Variants in RGS22 observed in about 807,000 individuals in gnomAD.
RGS22 encodes the protein regulator of G protein signaling 22.
RGS22 carries 148 observed loss-of-function variants against 172.9 expected under a neutral mutation model. The observed-to-expected ratio is 0.86, with a 90% CI of 0.75 to 0.98. The LOEUF is 0.98. Among genes scored for constraint, RGS22 ranks in the 50% least tolerant of loss-of-function variants. The pLI is 0.00. For missense variants in RGS22, 1,347 were observed against 1,440.8 expected, an observed-to-expected ratio of 0.93 and a Z score of 1.05; for synonymous variants, 458 against 480.2, an observed-to-expected ratio of 0.95 and a Z score of 0.60.
chr8:100,008,055 T>A (rs1425930024), intron 15 of RGS22, among the ~76,000 whole-genome samples: 1 of 151,830 alleles, frequency 6.6e-6, no homozygotes, highest in Non-Finnish European at 1.5e-5. Flanking sequence ...TTTTTTTTTT[T>A]AGACCGAGTT....
At chr8:99,996,571 T>A in intron 19 of RGS22, 41 bp from the exon 20 acceptor site, 1 of 1,505,828 alleles carries the variant, frequency 6.6e-7, no homozygotes, top group Non-Finnish European at 9.2e-7. Context: ...TTATTCAGAC[T>A]AAAGGCTTGA....
chr8:99,996,897 C>A (rs530041077), intron 19 of RGS22, among the ~76,000 whole-genome samples: 1 of 152,180 alleles, frequency 6.6e-6, no homozygotes, highest in Non-Finnish European at 1.5e-5. Context: ...CTAAAAGTTA[C>A]TCAACATGGA....
intron 14 of RGS22, among the ~76,000 whole-genome samples, chr8:100,036,660 G>A (rs566411791): frequency 3.9e-5 from 6 of 152,168 alleles, no homozygotes; most frequent in African/African-American, 1.4e-4. Flanking sequence ...GAGTGGTGGC[G>A]CAATCATAGC....
chr8:100,020,932 A>G (rs1588991690), intron 14 of RGS22, among the ~76,000 whole-genome samples: 1 of 152,208 alleles, frequency 6.6e-6, no homozygotes, highest in East Asian at 1.9e-4. Flanking sequence ...CCAACTCTGC[A>G]TTCAGTGACG....
At chr8:100,043,647 G>C (rs1443211897) in intron 11 of RGS22, among the ~76,000 whole-genome samples, 1 of 152,034 alleles carries the variant, frequency 6.6e-6, no homozygotes, top group African/African-American at 2.4e-5. Context: ...GTGGTGGCAG[G>C]CACCTGTAAT....
At chr8:100,065,339 T>G (rs1438147929) in intron 7 of RGS22, among the ~76,000 whole-genome samples, 1 of 152,202 alleles carries the variant, frequency 6.6e-6, no homozygotes, top group Non-Finnish European at 1.5e-5. Flanking sequence ...CTGTATACTA[T>G]TTTTATCTCC....
At chr8:100,075,768 A>T (rs1324209173) in intron 4 of RGS22, among the ~76,000 whole-genome samples, 1 of 152,236 alleles carries the variant, frequency 6.6e-6, no homozygotes, top group Non-Finnish European at 1.5e-5. Context: ...GGGTAATTTG[A>T]TAACTCTTGG....
chr8:100,052,442 C>T lies in RGS22; in HGVS notation c.1689+360G>A, dbSNP rs1447021862. On this transcript the variant is annotated intron_variant, in intron 10 of 27. Transcript: ENST00000360863. ...TCAGCCTCCCGAGTAGCTGGGACTA[C>T]AGGCGCCCGCCACCATGCCCTGCTA... Among the ~76,000 whole-genome samples the T allele has an allele frequency of 4.6e-5, 7 of 151,450 alleles. No homozygotes were observed. The East Asian group carries it at 1.2e-3, about 25-fold the overall frequency.
At chr8:100,037,245 G>C (rs1270461833) in intron 14 of RGS22, among the ~76,000 whole-genome samples, 1 of 152,134 alleles carries the variant, frequency 6.6e-6, no homozygotes, top group Non-Finnish European at 1.5e-5. Context: ...AGTGAGCTAT[G>C]ATCCCTCCAC....
chr8:100,096,602 C>A (rs1187387906), intron 2 of RGS22, among the ~76,000 whole-genome samples: 5 of 117,886 alleles, frequency 4.2e-5, no homozygotes, highest in African/African-American at 1.9e-4. Flanking sequence ...ATCAGATGAA[C>A]TACAATTTTT....
At chr8:100,051,190 C>A (rs1821239841) in intron 10 of RGS22, among the ~76,000 whole-genome samples, 1 of 151,204 alleles carries the variant, frequency 6.6e-6, no homozygotes, top group Non-Finnish European at 1.5e-5. Context: ...AGCACAAAGC[C>A]CTGGAGATTT....
intron 14 of RGS22, among the ~76,000 whole-genome samples, chr8:100,033,959 G>A (rs552004234): frequency 6.6e-6 from 1 of 152,066 alleles, no homozygotes; most frequent in South Asian, 2.1e-4. Context: ...TTGATGGAAT[G>A]TATCTCAAAA....
intron 18 of RGS22, among the ~76,000 whole-genome samples, chr8:100,001,900 C>G (rs1034986451): frequency 1.3e-5 from 2 of 152,156 alleles, no homozygotes; most frequent in Non-Finnish European, 2.9e-5. Flanking sequence ...GCACCTAGAA[C>G]AGTCTGGCAT....
intron 14 of RGS22, among the ~76,000 whole-genome samples, chr8:100,017,527 T>C (rs774130761): frequency 6.6e-6 from 1 of 152,150 alleles, no homozygotes; most frequent in South Asian, 2.1e-4. Context: ...TAAACTGAAT[T>C]ATGGAACTAA....
chr8:100,050,009 A>T (rs1821112285), intron 10 of RGS22, among the ~76,000 whole-genome samples: 1 of 149,458 alleles, frequency 6.7e-6, no homozygotes, highest in African/African-American at 2.5e-5. Flanking sequence ...AGACCATGCC[A>T]TTGCACTCCA....
intron 16 of RGS22, among the ~76,000 whole-genome samples, chr8:100,005,130 A>G (rs1815549755): frequency 6.6e-6 from 1 of 152,010 alleles, no homozygotes; most frequent in African/African-American, 2.4e-5. Flanking sequence ...ACCTTTATGG[A>G]TTTTTATGTA....
chr8:99,992,645 T>G (rs1813887401), intron 20 of RGS22, among the ~76,000 whole-genome samples: 2 of 152,138 alleles, frequency 1.3e-5, no homozygotes, highest in Non-Finnish European at 2.9e-5. Flanking sequence ...TGAAGAGACT[T>G]AGACTCCCAC....
intron 13 of RGS22, among the ~76,000 whole-genome samples, chr8:100,039,455 G>A (rs1314738730): frequency 6.7e-6 from 1 of 148,218 alleles, no homozygotes; most frequent in Non-Finnish European, 1.5e-5. Context: ...TCGGCTCACC[G>A]CAACCTCTGC....
rs76774137 is a variant in RGS22 at position 100,031,778 on chromosome 8, C to T, written c.2166+7153G>A. 4.1e-3 allele frequency among the ~76,000 whole-genome samples: 626 copies of T among 152,136 alleles called. 5 individuals are homozygous for T. The highest frequency in any genetic ancestry group is 0.014 in the African/African-American group (594 of 41,524). On this transcript the variant is annotated intron_variant, in intron 14 of 27. Coordinates refer to ENST00000360863, the MANE Select transcript of RGS22 (RefSeq NM_015668.5). ...GTTTCATTCTCTAGTAGTGCTCTCT[C>T]ACTGAAGCAAGTATGTAATGTCAAA...
Sources: allele counts gnomAD v4.1 joint callset (sites outside exome capture counted in the v4.1 genomes callset), GRCh38; gene constraint gnomAD v4.1.1; transcripts MANE v1.5; gene names NCBI Gene and HGNC (gene_info 2026-07-23, HGNC 2026-07-21).